The following NXPE4 variants were observed in gnomAD, a reference collection of about 807,000 sequenced individuals.
The protein encoded by NXPE4 is neurexophilin and PC-esterase domain family member 4.
In NXPE4, 42 loss-of-function variants were observed where a neutral mutation model predicts 33.3. That is an observed-to-expected ratio of 1.26 (90% confidence interval 0.98 to 1.63). The LOEUF (loss-of-function observed/expected upper bound fraction) is 1.63. NXPE4 is among the 40% of genes most tolerant of loss of function. NXPE4 has a pLI of 0.00. For missense variants in NXPE4, 709 were observed against 647.6 expected (o/e 1.09, Z -1.03); for synonymous variants, 253 against 234.9 (o/e 1.08, Z -0.71).
chr11:114,628,688 A>C, the NXPE4 span, among the ~76,000 whole-genome samples: 4 of 27,774 alleles, frequency 1.4e-4, no homozygotes, highest in African/African-American at 6.3e-4. Flanking sequence ...AACTGAAGGA[A>C]ATAGAGACAC....
At chr11:114,574,316 T>G (rs1948951868) in intron 5 of NXPE4, among the ~76,000 whole-genome samples, 1 of 151,186 alleles carries the variant, frequency 6.6e-6, no homozygotes, top group Non-Finnish European at 1.5e-5. Flanking sequence ...GAAACAAGAA[T>G]AATCCAAACC....
At chr11:114,586,306 G>C (rs1181081893) in intron 2 of NXPE4, among the ~76,000 whole-genome samples, 1 of 152,112 alleles carries the variant, frequency 6.6e-6, no homozygotes, top group Non-Finnish European at 1.5e-5. Flanking sequence ...AATGAACCTC[G>C]GGTATTATCC....
At chr11:114,613,327 C>A in the NXPE4 span, among the ~76,000 whole-genome samples, 1 of 151,856 alleles carries the variant, frequency 6.6e-6, no homozygotes, top group Admixed American at 6.6e-5. Context: ...ACCACTGTTA[C>A]CCGATGGATA....
At chr11:114,589,926 T>C (rs1296765410) in intron 2 of NXPE4, among the ~76,000 whole-genome samples, 1 of 152,214 alleles carries the variant, frequency 6.6e-6, no homozygotes. Context: ...CTAATCCCTA[T>C]ACCTTGCTAA....
upstream of NXPE4, among the ~76,000 whole-genome samples, chr11:114,596,755 C>T (rs1372903254): frequency 6.6e-6 from 1 of 152,166 alleles, no homozygotes; most frequent in Non-Finnish European, 1.5e-5. Context: ...CTGATGCCAG[C>T]AACCACCCAA....
At chr11:114,614,807 C>T in the NXPE4 span, among the ~76,000 whole-genome samples, 1 of 151,938 alleles carries the variant, frequency 6.6e-6, no homozygotes, top group African/African-American at 2.4e-5. Flanking sequence ...ATAAGTGTTG[C>T]CTCGTGGGTA....
chr11:114,654,788 C>T, the NXPE4 span, among the ~76,000 whole-genome samples: 4 of 152,210 alleles, frequency 2.6e-5, no homozygotes, highest in African/African-American at 9.6e-5. Flanking sequence ...TATATGTGTG[C>T]ATGTGTCTTT....
intron 5 of NXPE4, among the ~76,000 whole-genome samples, chr11:114,577,862 T>C (rs1418668699): frequency 6.6e-6 from 1 of 152,192 alleles, no homozygotes; most frequent in Non-Finnish European, 1.5e-5. Context: ...TTCCTTCACA[T>C]ATGCTTGGGA....
At chr11:114,643,480 G>A in the NXPE4 span, among the ~76,000 whole-genome samples, 1 of 152,052 alleles carries the variant, frequency 6.6e-6, no homozygotes, top group Admixed American at 6.6e-5. Flanking sequence ...TATATGGCTA[G>A]GCAGTTTTCC....
the NXPE4 span, among the ~76,000 whole-genome samples, chr11:114,607,660 A>G: frequency 6.7e-6 from 1 of 149,650 alleles, no homozygotes; most frequent in Non-Finnish European, 1.5e-5. Flanking sequence ...ACTCTTACAC[A>G]GTGGATAATA....
At chr11:114,606,560 C>A in the NXPE4 span, among the ~76,000 whole-genome samples, 1 of 152,044 alleles carries the variant, frequency 6.6e-6, no homozygotes, top group Non-Finnish European at 1.5e-5. Context: ...CATGGGGAAC[C>A]ACTGTTACCT....
chr11:114,639,507 G>A, the NXPE4 span, among the ~76,000 whole-genome samples: 2 of 151,434 alleles, frequency 1.3e-5, no homozygotes, highest in South Asian at 4.1e-4. Context: ...ACTCCCTAGT[G>A]AGATGAACCT....
the NXPE4 span, among the ~76,000 whole-genome samples, chr11:114,668,307 A>G: frequency 6.6e-6 from 1 of 151,842 alleles, no homozygotes; most frequent in Non-Finnish European, 1.5e-5. Flanking sequence ...TCTGCTTCCT[A>G]TTTCTGCTAG....
chr11:114,633,314 A>G, the NXPE4 span, among the ~76,000 whole-genome samples: 2 of 139,954 alleles, frequency 1.4e-5, no homozygotes, highest in Admixed American at 1.5e-4. Flanking sequence ...AAAATATATA[A>G]TTATATTATG....
chr11:114,580,994 T>C (rs1949132144), intron 4 of NXPE4, among the ~76,000 whole-genome samples: 2 of 152,216 alleles, frequency 1.3e-5, no homozygotes, highest in South Asian at 4.1e-4. Flanking sequence ...TTTAATATTT[T>C]AATAAGTGGG....
intron 2 of NXPE4, 192 bp from the exon 3 acceptor site, chr11:114,583,213 TTGAC>T (rs1322042820): frequency 9.6e-6 from 7 of 730,584 alleles, no homozygotes; most frequent in Admixed American, 2.8e-5. Context: ...AGAATGGAGA[TTGAC>T]TGACAGGAGA....
the NXPE4 span, among the ~76,000 whole-genome samples, chr11:114,653,394 T>A: frequency 2.0e-5 from 3 of 152,026 alleles, no homozygotes; most frequent in African/African-American, 7.2e-5. Context: ...AAACCATCTA[T>A]TTTTTTTCTC....
At chr11:114,581,669 A>C in intron 4 of NXPE4, 56 bp downstream of exon 4, 1 of 1,359,478 alleles carries the variant, frequency 7.4e-7, no homozygotes, top group Non-Finnish European at 1.0e-6. Context: ...AGAAAGAAGA[A>C]ACCCTTTAAA....
the NXPE4 span, among the ~76,000 whole-genome samples, chr11:114,638,972 G>A: frequency 6.6e-6 from 1 of 151,994 alleles, no homozygotes; most frequent in Non-Finnish European, 1.5e-5. Context: ...GCTGTGAGCT[G>A]GGAGAACCAC....
Sources: allele counts gnomAD v4.1 joint callset (sites outside exome capture counted in the v4.1 genomes callset), GRCh38; gene constraint gnomAD v4.1.1; transcripts MANE v1.5; gene names NCBI Gene and HGNC (gene_info 2026-07-23, HGNC 2026-07-21).